Variants in MLLT10 observed in about 807,000 individuals in gnomAD.
The protein encoded by MLLT10 is MLLT10 histone lysine methyltransferase DOT1L cofactor.
Under a neutral mutation model 129.1 loss-of-function variants are expected in MLLT10, and 30 were observed. That is an observed-to-expected ratio of 0.23 (90% CI 0.17 to 0.32). The LOEUF (loss-of-function observed/expected upper bound fraction) is 0.32. MLLT10 is among the 10% of genes least tolerant of loss of function. The pLI, the probability that MLLT10 is intolerant of heterozygous loss-of-function variation, is 1.00. For missense variants in MLLT10, 1,119 were observed against 1,268.3 expected (o/e 0.88, Z 1.79); for synonymous variants, 490 against 446.4 (o/e 1.10, Z -1.23).
chr10:21,693,558 C>A (rs976979635), intron 13 of MLLT10, among the ~76,000 whole-genome samples: 11 of 152,038 alleles, frequency 7.2e-5, no homozygotes, highest in African/African-American at 2.4e-4. Flanking sequence ...AGCACACACT[C>A]GTTTAAGATC....
intron 13 of MLLT10, among the ~76,000 whole-genome samples, chr10:21,696,959 A>G (rs1053134384): frequency 2.6e-5 from 4 of 152,078 alleles, no homozygotes; most frequent in Non-Finnish European, 4.4e-5. Context: ...TAAAATTTAA[A>G]AGTCCTTTGT....
rs2047776822 is a variant in MLLT10 at position 21,639,464 on chromosome 10, AG to A, written c.700-12206del. ...TTTGCTAGAGTGGCTCACAGAACTG[AG>A]GGAAACCCTTACTTATGTTTATTGG... is the stretch of plus-strand genomic sequence containing the variant. On this transcript the variant is annotated intron_variant, in intron 8 of 22. Transcript: ENST00000307729. Among the ~76,000 whole-genome samples, 3 of 152,178 alleles carry A rather than the reference AG, an allele frequency of 2.0e-5. No homozygotes were observed. In the South Asian group the frequency reaches 6.2e-4, roughly 31 times the overall value.
intron 3 of MLLT10, among the ~76,000 whole-genome samples, chr10:21,556,062 G>A (rs983800130): frequency 1.3e-5 from 2 of 150,650 alleles, no homozygotes; most frequent in African/African-American, 4.9e-5. Flanking sequence ...TGCAACCTTC[G>A]CCTCCCGGGT....
At chr10:21,730,691 C>T (rs2057897096) in intron 16 of MLLT10, among the ~76,000 whole-genome samples, 1 of 151,936 alleles carries the variant, frequency 6.6e-6, no homozygotes, top group Non-Finnish European at 1.5e-5. Context: ...TAGCTATTTC[C>T]TTGATTCTAT....
chr10:21,692,533 A>G (rs531502871), intron 13 of MLLT10, among the ~76,000 whole-genome samples: 50 of 152,110 alleles, frequency 3.3e-4, no homozygotes, highest in African/African-American at 1.2e-3. Context: ...AGGCTGGAGT[A>G]GAGTTGTGCC....
At chr10:21,689,603 A>T (rs11012776) in intron 13 of MLLT10, among the ~76,000 whole-genome samples, 78 of 81,188 alleles carry the variant, frequency 9.6e-4, no homozygotes, top group Non-Finnish European at 1.7e-3. Flanking sequence ...TGTGTGTTTT[A>T]TATATATATA....
At position 21,540,377 on chromosome 10, in the gene MLLT10, G is replaced by C. The variant is rs544297605; in HGVS notation, c.240+1465G>C. 7.9e-5 allele frequency among the ~76,000 whole-genome samples: 12 copies of C among 151,078 alleles called. 1 individual carries two copies. Among genetic ancestry groups the C allele is most frequent in the Admixed American group, 4.6e-4 (7 of 15,202 alleles). Reference sequence around the variant, plus strand: ...TGCACTCCAGCCTGCACTCCAAACAGAGTGAGACTGTTTCAAAAAAAAAAA... The same window carrying C: ...TGCACTCCAGCCTGCACTCCAAACACAGTGAGACTGTTTCAAAAAAAAAAA... On this transcript the variant is annotated intron_variant, in intron 3 of 22. Coordinates refer to ENST00000307729, the MANE Select transcript of MLLT10 (RefSeq NM_001195626.3).
rs2058079567 is a variant in MLLT10 at position 21,732,957 on chromosome 10, A to G, written c.2277A>G (p.Glu759=). 8 of 1,614,072 alleles carry G rather than the reference A, an allele frequency of 5.0e-6. No homozygotes were observed. Among genetic ancestry groups the G allele is most frequent in the Non-Finnish European group, 6.8e-6 (8 of 1,179,984 alleles). ...AAGTTGAAAACCGAAGATTAGAGGA[A>G]CAAATTAAAAACTTGACTGCCAAAA... ...QLQVENRRLE[E]QIKNLTAKKE... The change falls in exon 18 of 23, where the codon GAA becomes GAG. Residue 759 remains glutamate (E), a synonymous_variant. Transcript: ENST00000307729.
At chr10:21,726,681 CTTTTTTTTTTTT>C (rs35036202) in intron 15 of MLLT10, among the ~76,000 whole-genome samples, 1 of 87,604 alleles carries the variant, frequency 1.1e-5, no homozygotes, top group African/African-American at 4.4e-5. Context: ...TAGCAATGTC[CTTTTTTTTTTTT>C]TTTTTTTTTT....
intron 8 of MLLT10, among the ~76,000 whole-genome samples, chr10:21,638,053 T>A (rs887664566): frequency 1.2e-4 from 18 of 151,874 alleles, no homozygotes; most frequent in Admixed American, 9.2e-4. Flanking sequence ...GAAAGAGACA[T>A]GGTTTGGAGA....
At chr10:21,709,246 T>C (rs367553480) in intron 13 of MLLT10, among the ~76,000 whole-genome samples, 7 of 119,084 alleles carry the variant, frequency 5.9e-5, no homozygotes, top group Admixed American at 1.7e-4. Context: ...TTTTTTTTTT[T>C]CCTTTTTTTG....
At chr10:21,696,037 T>C (rs1447333140) in intron 13 of MLLT10, among the ~76,000 whole-genome samples, 1 of 151,664 alleles carries the variant, frequency 6.6e-6, no homozygotes, top group Non-Finnish European at 1.5e-5. Context: ...AGGATCTCAG[T>C]TTCATCCTTC....
intron 13 of MLLT10, among the ~76,000 whole-genome samples, chr10:21,701,947 A>C (rs185712088): frequency 1.2e-3 from 175 of 146,102 alleles, no homozygotes; most frequent in Non-Finnish European, 2.0e-3. Flanking sequence ...CTTTTTTTTG[A>C]GACAGATACT....
rs139978923 is a variant in MLLT10 at position 21,578,350 on chromosome 10, C to G, written c.241-7944C>G. Among the ~76,000 whole-genome samples, 1,285 of 152,266 alleles carry G rather than the reference C, an allele frequency of 8.4e-3. 21 individuals carry two copies. The highest frequency in any genetic ancestry group is 0.029 in the African/African-American group (1,221 of 41,562). ...AGCTTTTTATTTTTGAGTGGAAGAG[C>G]TCTGTATCCTGGATACAAACTACTT... On this transcript the variant is annotated intron_variant, in intron 3 of 22. Transcript: ENST00000307729.
chr10:21,583,042 C>T (rs1354544331), intron 3 of MLLT10, among the ~76,000 whole-genome samples: 1 of 152,096 alleles, frequency 6.6e-6, no homozygotes, highest in African/African-American at 2.4e-5. Context: ...TGGTGGCACA[C>T]ACCTGTAATT....
chr10:21,720,029 A>G (rs2057017411), intron 14 of MLLT10, among the ~76,000 whole-genome samples: 1 of 152,192 alleles, frequency 6.6e-6, no homozygotes. Flanking sequence ...ATTTTTTCCC[A>G]GAAAGGTAAG....
At chr10:21,714,673 A>G (rs964133088) in intron 14 of MLLT10, among the ~76,000 whole-genome samples, 2 of 152,220 alleles carry the variant, frequency 1.3e-5, no homozygotes, top group African/African-American at 4.8e-5. Context: ...CTGAGATTAC[A>G]GGCACACGCC....
chr10:21,705,915 C>T (rs1357963720), intron 13 of MLLT10, among the ~76,000 whole-genome samples: 3 of 152,214 alleles, frequency 2.0e-5, no homozygotes, highest in Non-Finnish European at 4.4e-5. Flanking sequence ...TCTAGGAGCT[C>T]TCCCATGGCT....
At chr10:21,614,987 G>A (rs2131204191) in intron 7 of MLLT10, 63 bp downstream of exon 7, 2 of 1,337,896 alleles carry the variant, frequency 1.5e-6, no homozygotes, top group South Asian at 1.3e-5. Context: ...GAATGACACT[G>A]TTTTATTAAA....
Sources: gnomAD v4.1 joint callset for allele counts (sites outside exome capture counted in the v4.1 genomes callset) on GRCh38, gnomAD v4.1.1 for gene constraint, MANE v1.5 for transcripts, NCBI Gene and HGNC (gene_info 2026-07-23, HGNC 2026-07-21) for gene names.